The following KHDRBS2 variants were observed in gnomAD, a reference collection of about 807,000 sequenced individuals.
The protein encoded by KHDRBS2 is KH RNA binding domain containing, signal transduction associated 2.
KHDRBS2 carries 26 observed loss-of-function variants against 44.3 expected under a neutral mutation model. That is an observed-to-expected ratio of 0.59 (90% CI 0.43 to 0.81). KHDRBS2 has a LOEUF of 0.81. Among genes scored for constraint, KHDRBS2 ranks in the 40% least tolerant of loss-of-function variants. The pLI, the probability that KHDRBS2 is intolerant of heterozygous loss-of-function variation, is 0.00. For synonymous variants in KHDRBS2, 194 were observed against 151.1 expected (o/e 1.28, Z -2.08); for missense variants, 476 against 433.1 (o/e 1.10, Z -0.88).
chr6:61,585,305 G>A, the KHDRBS2 span, among the ~76,000 whole-genome samples: 1 of 151,912 alleles, frequency 6.6e-6, no homozygotes, highest in Non-Finnish European at 1.5e-5. Flanking sequence ...GAGAAAAATG[G>A]TACTTCATCA....
chr6:61,883,522 C>T (rs1198131073), intron 6 of KHDRBS2, among the ~76,000 whole-genome samples: 2 of 151,996 alleles, frequency 1.3e-5, no homozygotes, highest in African/African-American at 2.4e-5. Flanking sequence ...GAAGAATCTG[C>T]ATCTTTTCTA....
chr6:61,769,205 A>G (rs1419130259), intron 6 of KHDRBS2, among the ~76,000 whole-genome samples: 1 of 152,164 alleles, frequency 6.6e-6, no homozygotes, highest in Non-Finnish European at 1.5e-5. Context: ...CCAAATAGGA[A>G]CAGCTCCGGT....
chr6:61,582,800 T>C, the KHDRBS2 span, among the ~76,000 whole-genome samples: 3 of 151,722 alleles, frequency 2.0e-5, no homozygotes, highest in Non-Finnish European at 4.4e-5. Context: ...CCTGTTTTTC[T>C]CTAGACCTCA....
At chr6:61,557,400 C>G in the KHDRBS2 span, among the ~76,000 whole-genome samples, 1 of 152,146 alleles carries the variant, frequency 6.6e-6, no homozygotes, top group Non-Finnish European at 1.5e-5. Context: ...GAGAGTGTCT[C>G]TCCTGCCATG....
intron 2 of KHDRBS2, among the ~76,000 whole-genome samples, chr6:62,115,653 C>G (rs1361133624): frequency 1.3e-5 from 2 of 152,142 alleles, no homozygotes; most frequent in Non-Finnish European, 2.9e-5. Context: ...CTTTGGAAAA[C>G]CCAGAGACTA....
intron 2 of KHDRBS2, among the ~76,000 whole-genome samples, chr6:62,087,810 C>T (rs1798689876): frequency 1.3e-5 from 2 of 152,154 alleles, no homozygotes; most frequent in South Asian, 4.1e-4. Context: ...TCCATTCTCC[C>T]TGTCACCTTC....
chr6:61,662,820 A>G, the KHDRBS2 span, among the ~76,000 whole-genome samples: 28 of 151,878 alleles, frequency 1.8e-4, no homozygotes, highest in African/African-American at 1.2e-4. Flanking sequence ...AACTAGTTCA[A>G]CCATTGTGGA....
At chr6:62,109,353 T>A (rs1326426165) in intron 2 of KHDRBS2, among the ~76,000 whole-genome samples, 2 of 152,054 alleles carry the variant, frequency 1.3e-5, no homozygotes, top group African/African-American at 2.4e-5. Context: ...TCCTTATTTT[T>A]TTCAAGAGCA....
intron 1 of KHDRBS2, among the ~76,000 whole-genome samples, chr6:62,216,140 G>T (rs1390922016): frequency 1.3e-5 from 2 of 151,536 alleles, no homozygotes; most frequent in African/African-American, 4.8e-5. Context: ...AGTTGTGCCT[G>T]ATTTGTAAAA....
the KHDRBS2 span, among the ~76,000 whole-genome samples, chr6:61,610,622 T>A: frequency 6.6e-6 from 1 of 152,164 alleles, no homozygotes; most frequent in African/African-American, 2.4e-5. Flanking sequence ...TGCTTAGTGT[T>A]ACTCAAGTAT....
intron 6 of KHDRBS2, among the ~76,000 whole-genome samples, chr6:61,785,260 G>A (rs1783619882): frequency 1.3e-5 from 2 of 151,780 alleles, no homozygotes; most frequent in African/African-American, 4.8e-5. Context: ...TTAGAGAAAT[G>A]CTAATTTATA....
intron 7 of KHDRBS2, among the ~76,000 whole-genome samples, chr6:61,702,482 T>C (rs978224396): frequency 2.0e-5 from 3 of 151,976 alleles, no homozygotes; most frequent in African/African-American, 4.8e-5. Context: ...GCTTAGTCCA[T>C]ATCCCAAATA....
At chr6:61,804,647 C>A (rs778395399) in intron 6 of KHDRBS2, among the ~76,000 whole-genome samples, 1 of 152,178 alleles carries the variant, frequency 6.6e-6, no homozygotes, top group Non-Finnish European at 1.5e-5. Flanking sequence ...GGTTCCCAAA[C>A]CTTAATTCTT....
rs898394824 is a variant in KHDRBS2 at position 61,773,595 on chromosome 6, C to T, written c.811-40831G>A. 1.5e-3 allele frequency among the ~76,000 whole-genome samples: 217 copies of T among 147,920 alleles called. 2 individuals carry two copies. Among genetic ancestry groups the T allele is most frequent in the African/African-American group, 5.3e-3 (211 of 40,092 alleles). On this transcript the variant is annotated intron_variant, in intron 6 of 8. Coordinates refer to ENST00000281156, the MANE Select transcript of KHDRBS2 (RefSeq NM_152688.4). Reference sequence around the variant, plus strand: ...AAATTTTCTCCCATTTTGTAGGTTGCCTGTTCACTCTGATGGTAGTTTCTT... The same window carrying T: ...AAATTTTCTCCCATTTTGTAGGTTGTCTGTTCACTCTGATGGTAGTTTCTT...
chr6:61,705,608 T>TA (rs1321138231), intron 7 of KHDRBS2, among the ~76,000 whole-genome samples: 1 of 151,872 alleles, frequency 6.6e-6, no homozygotes, highest in African/African-American at 2.4e-5. Flanking sequence ...TGTATTTGCA[T>TA]AATACCAGAC....
At chr6:62,185,496 T>A (rs562557003) in intron 1 of KHDRBS2, among the ~76,000 whole-genome samples, 1 of 152,076 alleles carries the variant, frequency 6.6e-6, no homozygotes, top group East Asian at 1.9e-4. Flanking sequence ...TATAGAATCA[T>A]ATTTTCCTTT....
At chr6:62,255,642 ACACACACACACAC>A (rs1837270277) in intron 1 of KHDRBS2, among the ~76,000 whole-genome samples, 2 of 131,636 alleles carry the variant, frequency 1.5e-5, no homozygotes, top group African/African-American at 2.6e-5. Context: ...ACACACACAC[ACACACACACACAC>A]AATGTAGAAA....
At chr6:62,158,257 G>GA (rs1385005778) in intron 2 of KHDRBS2, among the ~76,000 whole-genome samples, 3 of 152,122 alleles carry the variant, frequency 2.0e-5, no homozygotes, top group African/African-American at 7.2e-5. Context: ...GTCATTAAAT[G>GA]AAAAAACAGA....
At chr6:61,559,549 C>A in the KHDRBS2 span, among the ~76,000 whole-genome samples, 1 of 152,040 alleles carries the variant, frequency 6.6e-6, no homozygotes, top group South Asian at 2.1e-4. Flanking sequence ...GTTTTAATTT[C>A]TTGCTTGTTA....
Sources: allele counts gnomAD v4.1 joint callset (sites outside exome capture counted in the v4.1 genomes callset), GRCh38; gene constraint gnomAD v4.1.1; transcripts MANE v1.5; gene names NCBI Gene and HGNC (gene_info 2026-07-23, HGNC 2026-07-21).